The following ADIPOR2 variants were observed in gnomAD, a reference collection of about 807,000 sequenced individuals.
ADIPOR2 encodes the protein adiponectin receptor 2.
ADIPOR2 carries 18 observed loss-of-function variants against 40.9 expected under a neutral mutation model. That is an observed-to-expected ratio of 0.44 (90% CI 0.30 to 0.65). The LOEUF is 0.65. Ranked by LOEUF, ADIPOR2 falls within the 30% of genes least tolerant of loss-of-function variation. The pLI, the probability that ADIPOR2 is intolerant of heterozygous loss-of-function variation, is 0.09. For synonymous variants in ADIPOR2, 165 were observed against 166.4 expected, an observed-to-expected ratio of 0.99 and a Z score of 0.06; for missense variants, 283 against 479.2, an observed-to-expected ratio of 0.59 and a Z score of 3.82.
intron 1 of ADIPOR2, chr12:1,695,979 C>G (rs1459367190): frequency 1.3e-5 from 2 of 153,094 alleles, no homozygotes; most frequent in Admixed American, 6.6e-5. Flanking sequence ...CTCTTTATCT[C>G]TGGATTTGGA....
At chr12:1,741,096 G>T (rs2094741924) in intron 1 of ADIPOR2, among the ~76,000 whole-genome samples, 1 of 152,164 alleles carries the variant, frequency 6.6e-6, no homozygotes, top group Admixed American at 6.5e-5. Context: ...TGAGGTTGGA[G>T]AGGTTGGTGG....
intron 3 of ADIPOR2, 33 bp from the exon 4 acceptor site, chr12:1,777,821 T>C (rs1484007854): frequency 6.3e-7 from 1 of 1,589,394 alleles, no homozygotes; most frequent in African/African-American, 1.3e-5. Flanking sequence ...ACAACTAAAA[T>C]CACAAAGATG....
intron 2 of ADIPOR2, among the ~76,000 whole-genome samples, chr12:1,754,819 G>A (rs986275598): frequency 6.6e-6 from 1 of 151,024 alleles, no homozygotes. Context: ...TGCAACCTCC[G>A]CCTCCTGGGT....
chr12:1,758,263 C>G (rs900049344), intron 2 of ADIPOR2, among the ~76,000 whole-genome samples: 1 of 152,142 alleles, frequency 6.6e-6, no homozygotes, highest in Non-Finnish European at 1.5e-5. Flanking sequence ...GCCCTGAAAG[C>G]CTCTCTTTGA....
chr12:1,784,639 T>C (rs1862792601), intron 7 of ADIPOR2, among the ~76,000 whole-genome samples: 1 of 152,150 alleles, frequency 6.6e-6, no homozygotes, highest in Non-Finnish European at 1.5e-5. Context: ...TGAGTGTATG[T>C]ATGTCTGGTG....
intron 2 of ADIPOR2, among the ~76,000 whole-genome samples, chr12:1,762,910 A>G (rs1468229638): frequency 6.6e-6 from 1 of 152,230 alleles, no homozygotes; most frequent in African/African-American, 2.4e-5. Context: ...TGGCAATTTC[A>G]ATGGTTATTT....
chr12:1,705,904 A>C (rs1240767350), intron 1 of ADIPOR2, among the ~76,000 whole-genome samples: 1 of 152,178 alleles, frequency 6.6e-6, no homozygotes, highest in Non-Finnish European at 1.5e-5. Flanking sequence ...TCTTCCACTT[A>C]AGTTTGTGTT....
At chr12:1,731,912 C>T (rs956263684) in intron 1 of ADIPOR2, among the ~76,000 whole-genome samples, 1 of 151,862 alleles carries the variant, frequency 6.6e-6, no homozygotes, top group Non-Finnish European at 1.5e-5. Flanking sequence ...TGCAGTGAGC[C>T]GAGATCGTGC....
chr12:1,697,211 A>G (rs2094641004), intron 1 of ADIPOR2: 1 of 152,250 alleles, frequency 6.6e-6, no homozygotes, highest in Non-Finnish European at 1.5e-5. Flanking sequence ...AGGATCATGA[A>G]TAAAGCTAAT....
At position 1,754,966 on chromosome 12, in the gene ADIPOR2, G is replaced by A. The variant is rs1448807849; in HGVS notation, c.171+452G>A. On this transcript the variant is annotated intron_variant, in intron 2 of 7. Coordinates refer to ENST00000357103, the MANE Select transcript of ADIPOR2 (RefSeq NM_024551.3). The stretch of plus-strand genomic sequence containing the variant: ...CTTACCTCAGGTATCCTCCCACCTC[G>A]GCCTCCCAAAGTGCTGGGATTACAG... 1.7e-5 allele frequency among the ~76,000 whole-genome samples: 2 copies of A among 117,228 alleles called. 1 individual carries two copies. The highest frequency in any genetic ancestry group is 4.2e-5 in the Non-Finnish European group (2 of 47,158). The allele number at this position is 117,228 out of a possible 152,430, so 76.9% of individuals were successfully genotyped here.
chr12:1,747,423 A>AAT (rs948414894), intron 1 of ADIPOR2, among the ~76,000 whole-genome samples: 3 of 152,180 alleles, frequency 2.0e-5, no homozygotes, highest in Non-Finnish European at 4.4e-5. Context: ...TAGGGGTTGC[A>AAT]ATATATATAT....
intron 2 of ADIPOR2, among the ~76,000 whole-genome samples, chr12:1,768,859 C>T (rs1862439617): frequency 6.6e-6 from 1 of 152,174 alleles, no homozygotes; most frequent in Non-Finnish European, 1.5e-5. Context: ...TGTCTTTGTG[C>T]TCATTTCAAA....
chr12:1,748,348 A>C (rs201751720), intron 1 of ADIPOR2, among the ~76,000 whole-genome samples: 2 of 151,996 alleles, frequency 1.3e-5, no homozygotes, highest in South Asian at 4.1e-4. Context: ...TCCCGGGTTC[A>C]CGCCATTCTC....
intron 1 of ADIPOR2, among the ~76,000 whole-genome samples, chr12:1,730,034 A>G (rs1481441310): frequency 1.3e-5 from 2 of 152,140 alleles, no homozygotes; most frequent in Non-Finnish European, 2.9e-5. Flanking sequence ...AAAAGTGTTA[A>G]TATATCATTT....
At chr12:1,772,072 A>G (rs1412216057) in intron 2 of ADIPOR2, among the ~76,000 whole-genome samples, 1 of 152,166 alleles carries the variant, frequency 6.6e-6, no homozygotes, top group Admixed American at 6.5e-5. Context: ...TCACAATATC[A>G]TTTTATCTAA....
chr12:1,712,572 G>A (rs933301229), intron 1 of ADIPOR2, among the ~76,000 whole-genome samples: 2 of 152,094 alleles, frequency 1.3e-5, no homozygotes, highest in Non-Finnish European at 2.9e-5. Flanking sequence ...CGTATAAAGA[G>A]AAGTTTTGTC....
intron 2 of ADIPOR2, chr12:1,757,874 G>C: frequency 1.2e-6 from 1 of 815,490 alleles, no homozygotes; most frequent in East Asian, 2.4e-5. Flanking sequence ...TGTTCCTTAG[G>C]AATATGATGG....
intron 1 of ADIPOR2, among the ~76,000 whole-genome samples, chr12:1,715,993 G>A (rs1234930542): frequency 4.6e-5 from 7 of 151,948 alleles, no homozygotes; most frequent in Non-Finnish European, 1.0e-4. Context: ...CACCGTAGAA[G>A]CTTTGTTCTT....
chr12:1,740,773 GACAA>G (rs1472666916), intron 1 of ADIPOR2, among the ~76,000 whole-genome samples: 1 of 152,182 alleles, frequency 6.6e-6, no homozygotes, highest in Non-Finnish European at 1.5e-5. Flanking sequence ...TGGTGAACGA[GACAA>G]ACAAGATTTG....
Sources: allele counts gnomAD v4.1 joint callset (sites outside exome capture counted in the v4.1 genomes callset), GRCh38; gene constraint gnomAD v4.1.1; transcripts MANE v1.5; gene names NCBI Gene and HGNC (gene_info 2026-07-23, HGNC 2026-07-21).